CDK5RAP2: variants seen among roughly 807,000 people sequenced by gnomAD.
CDK5RAP2 encodes CDK5 regulatory subunit-associated protein 2.
In CDK5RAP2, 147 loss-of-function variants were observed where a neutral mutation model predicts 232.9. The observed-to-expected ratio is 0.63, with a 90% CI of 0.55 to 0.72. The LOEUF (loss-of-function observed/expected upper bound fraction) is 0.72, where lower values mean the gene tolerates loss of function less well. CDK5RAP2 is among the 30% of genes least tolerant of loss of function. The pLI is 0.00. For synonymous variants in CDK5RAP2, 833 were observed against 833.7 expected (o/e 1.00, Z 0.01); for missense variants, 2,195 against 2,231.5 (o/e 0.98, Z 0.33).
chr9:120,396,910 T>C (rs758670356), intron 35 of CDK5RAP2, among the ~76,000 whole-genome samples: 7 of 152,238 alleles, frequency 4.6e-5, no homozygotes, highest in African/African-American at 7.2e-5. Context: ...TCCCCAGCTA[T>C]ATGACGCTGA....
At chr9:120,499,832 T>C (rs1014610982) in intron 12 of CDK5RAP2, among the ~76,000 whole-genome samples, 14 of 152,364 alleles carry the variant, frequency 9.2e-5, no homozygotes, top group African/African-American at 3.1e-4. Flanking sequence ...CTTTCAGTTC[T>C]TGTCCATCTG....
intron 12 of CDK5RAP2, among the ~76,000 whole-genome samples, chr9:120,513,737 G>C (rs1203878106): frequency 6.6e-6 from 1 of 152,168 alleles, no homozygotes; most frequent in Non-Finnish European, 1.5e-5. Flanking sequence ...TGCACAAAGT[G>C]TTCAATGTTG....
intron 13 of CDK5RAP2, 151 bp downstream of exon 13, chr9:120,491,156 G>A (rs1311499710): frequency 9.1e-6 from 6 of 660,372 alleles, no homozygotes; most frequent in Non-Finnish European, 5.2e-6. Flanking sequence ...CCTCCCTGGT[G>A]GCTGAAGCCC....
intron 36 of CDK5RAP2, among the ~76,000 whole-genome samples, chr9:120,390,784 C>G (rs1402732711): frequency 6.6e-6 from 1 of 152,212 alleles, no homozygotes; most frequent in Admixed American, 6.5e-5. Context: ...ACACACATAG[C>G]CTGACTCCCC....
At chr9:120,571,861 C>A in intron 2 of CDK5RAP2, 113 bp downstream of exon 2, 1 of 804,068 alleles carries the variant, frequency 1.2e-6, no homozygotes, top group South Asian at 1.4e-5. Flanking sequence ...CTACGGTGTG[C>A]CAGTTCAGGG....
chr9:120,480,755 G>A (rs1202286013), intron 14 of CDK5RAP2, among the ~76,000 whole-genome samples: 1 of 152,172 alleles, frequency 6.6e-6, no homozygotes, highest in Non-Finnish European at 1.5e-5. Flanking sequence ...GAATACTGTT[G>A]TGCTTCCAAT....
In CDK5RAP2 at chr9:120,403,778, G is replaced by C. The variant is rs1484954476; in HGVS notation, c.5041+258C>G. On this transcript the variant is annotated intron_variant, in intron 33 of 37. Transcript: ENST00000349780. This position sits in a 1 kb window ranked among gnomAD's most constrained non-coding sequence, Gnocchi z 4.2. ...CTGGAGCTGGATCCTGGAGGGCCTT[G>C]AAAGCCTCACAAAGGTGGTCACAAT... The C allele has an allele frequency of 1.9e-6, 1 of 523,610 alleles. No individual in the cohort carries two copies. Among genetic ancestry groups the C allele is most frequent in the Non-Finnish European group, 3.5e-6 (1 of 289,674 alleles). The allele number at this position is 523,610 out of a possible 1,614,324, so 32.4% of individuals were successfully genotyped here.
intron 18 of CDK5RAP2, among the ~76,000 whole-genome samples, chr9:120,466,558 A>T (rs2037389967): frequency 6.6e-6 from 1 of 151,696 alleles, no homozygotes; most frequent in Non-Finnish European, 1.5e-5. Flanking sequence ...TTTTTTTTTT[A>T]AAGGGCAAAT....
intron 23 of CDK5RAP2, among the ~76,000 whole-genome samples, chr9:120,442,721 A>G (rs2035969595): frequency 6.6e-6 from 1 of 152,200 alleles, no homozygotes; most frequent in Non-Finnish European, 1.5e-5. Context: ...GCTAAGGGGG[A>G]CTTTATTGCC....
chr9:120,477,365 A>G lies in CDK5RAP2; in HGVS notation c.1712T>C (p.Leu571Pro), dbSNP rs41296081. The change falls in exon 15 of 38, where the codon CTG (leucine) becomes CCG (proline). Residue 571 changes from leucine to proline, a missense_variant. Physicochemically the swap from Leu to Pro is moderately conservative, Grantham distance 98. Coordinates refer to ENST00000349780, the MANE Select transcript of CDK5RAP2 (RefSeq NM_018249.6). Reference sequence around the variant, plus strand: ...AAACGCTTACCTGTCTGATTCCTGCAGAGATTTGACCAGATGGGTATAGAT... The same window carrying G: ...AAACGCTTACCTGTCTGATTCCTGCGGAGATTTGACCAGATGGGTATAGAT... The part of the protein sequence containing the change: ...QDIYTHLVKS[L>P]QESDSINNLQ... 12,765 of 1,610,960 alleles carry G rather than the reference A, an allele frequency of 7.9e-3. 78 individuals are homozygous for G. Among genetic ancestry groups the G allele is most frequent in the Non-Finnish European group, 8.8e-3 (10,406 of 1,177,288 alleles).
intron 10 of CDK5RAP2, among the ~76,000 whole-genome samples, chr9:120,525,494 A>G (rs2040858703): frequency 6.6e-6 from 1 of 152,054 alleles, no homozygotes; most frequent in Non-Finnish European, 1.5e-5. Flanking sequence ...TTGGCCATGA[A>G]CAACCATGGC....
At chr9:120,428,430 C>T (rs2035057558) in intron 25 of CDK5RAP2, among the ~76,000 whole-genome samples, 1 of 152,102 alleles carries the variant, frequency 6.6e-6, no homozygotes, top group African/African-American at 2.4e-5. Context: ...GGGATATCAC[C>T]ACCGATCCCA....
intron 28 of CDK5RAP2, among the ~76,000 whole-genome samples, chr9:120,412,778 C>T (rs910224523): frequency 7.2e-5 from 11 of 152,304 alleles, no homozygotes; most frequent in Admixed American, 1.3e-4. Context: ...AGGGAAGGTA[C>T]GGCATCAGTT....
intron 28 of CDK5RAP2, among the ~76,000 whole-genome samples, chr9:120,412,267 C>A (rs2033896350): frequency 6.6e-6 from 1 of 152,208 alleles, no homozygotes; most frequent in Non-Finnish European, 1.5e-5. Context: ...CAGGAAAGTG[C>A]CTACTGTGTG....
In CDK5RAP2 at chr9:120,437,432, T is replaced by C. The variant is rs2035649164; in HGVS notation, c.3818A>G (p.His1273Arg). The change falls in exon 25 of 38, where the codon CAC (histidine) becomes CGC (arginine). Residue 1273 changes from histidine (H) to arginine (R), a missense_variant. His to Arg is a conservative substitution (Grantham distance 29). Transcript: ENST00000349780. The stretch of plus-strand genomic sequence containing the variant: ...AAATGCCTTAATCATGGTGTTCATG[T>C]GTTGACGGGAGATGACACAGATGCC... ...GHGICVISRQ[H>R]MNTMIKAFEE... 1.9e-6 allele frequency: 3 copies of C among 1,614,022 alleles called. No homozygotes were observed. Among genetic ancestry groups the C allele is most frequent in the Admixed American group, 3.3e-5 (2 of 59,998 alleles).
Position 120,483,232 on chromosome 9 carries a change from C to T in CDK5RAP2, c.1626+4062G>A, listed in dbSNP as rs934223797. ...GTGACCACCCCGCTCACCGCATTCCCCTGCCTCACCTGAGAACTGTCCCTA... is the reference window on the plus strand; with the variant it reads ...GTGACCACCCCGCTCACCGCATTCCTCTGCCTCACCTGAGAACTGTCCCTA... On this transcript the variant is annotated intron_variant, in intron 14 of 37. Transcript: ENST00000349780. Among the ~76,000 whole-genome samples, 4 of 152,384 alleles carry T rather than the reference C, an allele frequency of 2.6e-5. No individual in the cohort carries two copies. The Middle Eastern group carries it at 0.014, about 518-fold the overall frequency.
intron 21 of CDK5RAP2, among the ~76,000 whole-genome samples, chr9:120,450,541 A>T (rs532203593): frequency 3.3e-5 from 5 of 152,294 alleles, no homozygotes; most frequent in South Asian, 2.1e-4. Flanking sequence ...TGTTTTTTTT[A>T]AAGTTTTTAA....
At chr9:120,526,964 T>C (rs1284523603) in intron 10 of CDK5RAP2, among the ~76,000 whole-genome samples, 2 of 152,262 alleles carry the variant, frequency 1.3e-5, no homozygotes, top group Non-Finnish European at 1.5e-5. Flanking sequence ...CTCTAAGCAC[T>C]GCACCCCACA....
rs547984391 is a variant in CDK5RAP2 at position 120,477,515 on chromosome 9, T to G, written c.1627-65A>C. On this transcript the variant is annotated intron_variant, in intron 14 of 37. Transcript: ENST00000349780. ...TTTGAAAGAGTACATCCTTATATTA[T>G]GCAAACATATGTAGCTAGTCCCAGT... The G allele has an allele frequency of 2.5e-6, 3 of 1,181,748 alleles. No individual in the cohort carries two copies. The African/African-American group carries it at 4.5e-5, about 18-fold the overall frequency. 73.2% of individuals were successfully genotyped at this position (1,181,748 alleles called of 1,614,324 possible).
Sources: gnomAD v4.1 joint callset for allele counts (sites outside exome capture counted in the v4.1 genomes callset) on GRCh38, gnomAD v4.1.1 for gene constraint, Gnocchi (gnomAD v3.1) non-coding constraint, MANE v1.5 for transcripts, NCBI Gene and HGNC (gene_info 2026-07-23, HGNC 2026-07-21) for gene names.